The following CSMD1 variants were observed in gnomAD, a reference collection of about 807,000 sequenced individuals.
CSMD1 encodes the protein CUB and sushi domain-containing protein 1.
A neutral mutation model predicts 417.5 loss-of-function variants in CSMD1; 213 were observed. The observed-to-expected ratio is 0.51, with a 90% CI of 0.46 to 0.57. CSMD1 has a LOEUF of 0.57. CSMD1 is among the 20% of genes least tolerant of loss of function. CSMD1 has a pLI of 0.00. For missense variants in CSMD1, 6,923 were observed against 4,529.7 expected (o/e 1.53, Z -15.17); for synonymous variants, 2,862 against 1,736.8 (o/e 1.65, Z -16.11).
At position 3,252,617 on chromosome 8, in the gene CSMD1, A is replaced by C. The variant is rs530079892; in HGVS notation, c.4154-22386T>G. Among the ~76,000 whole-genome samples, 196 of 152,242 alleles carry C rather than the reference A, an allele frequency of 1.3e-3. 1 individual carries two copies. Among genetic ancestry groups the C allele is most frequent in the African/African-American group, 4.5e-3 (187 of 41,544 alleles). On this transcript the variant is annotated intron_variant, in intron 26 of 69. Coordinates refer to ENST00000635120, the MANE Select transcript of CSMD1 (RefSeq NM_033225.6). Reference sequence around the variant, plus strand: ...GGATTCCCTCTTTTTCTATTGATTGAATAGTTTCAGAAGGAATGGTAGCAG... The same window carrying C: ...GGATTCCCTCTTTTTCTATTGATTGCATAGTTTCAGAAGGAATGGTAGCAG...
chr8:4,500,172 G>A (rs922629746), intron 2 of CSMD1, among the ~76,000 whole-genome samples: 4 of 152,248 alleles, frequency 2.6e-5, no homozygotes, highest in Admixed American at 2.6e-4. Context: ...TAAAGAGGCT[G>A]GGAGAATACA....
chr8:4,395,657 A>T (rs1563128978), intron 3 of CSMD1, among the ~76,000 whole-genome samples: 1 of 152,094 alleles, frequency 6.6e-6, no homozygotes, highest in Admixed American at 6.6e-5. Context: ...TTTTGATAAG[A>T]CTCTGTTCCA....
chr8:3,883,524 G>A (rs372174458), intron 5 of CSMD1, among the ~76,000 whole-genome samples: 10 of 152,030 alleles, frequency 6.6e-5, no homozygotes, highest in South Asian at 4.2e-4. Flanking sequence ...TGAATCATGC[G>A]GCTTTATGTA....
intron 11 of CSMD1, among the ~76,000 whole-genome samples, chr8:3,489,508 T>C (rs573382997): frequency 6.6e-6 from 1 of 152,212 alleles, no homozygotes; most frequent in Non-Finnish European, 1.5e-5. Context: ...CCTCCACAAA[T>C]CAAATTCGAG....
chr8:3,968,492 G>A (rs1030969335), intron 5 of CSMD1, among the ~76,000 whole-genome samples: 6 of 152,106 alleles, frequency 3.9e-5, no homozygotes, highest in Middle Eastern at 3.4e-3. Flanking sequence ...ACATCTTCCG[G>A]ATTCAAAATA....
intron 3 of CSMD1, among the ~76,000 whole-genome samples, chr8:4,268,339 CT>C (rs1554513304): frequency 1.3e-5 from 2 of 152,070 alleles, no homozygotes; most frequent in Non-Finnish European, 2.9e-5. Context: ...TAATTAGATT[CT>C]TTTTGACTAA....
At chr8:4,263,101 C>T (rs886099124) in intron 3 of CSMD1, among the ~76,000 whole-genome samples, 4 of 152,032 alleles carry the variant, frequency 2.6e-5, no homozygotes, top group Admixed American at 1.3e-4. Context: ...CATTTAAAAG[C>T]AGTATTATTT....
chr8:2,964,970 T>C (rs763971767), intron 59 of CSMD1, among the ~76,000 whole-genome samples: 1 of 152,220 alleles, frequency 6.6e-6, no homozygotes, highest in Non-Finnish European at 1.5e-5. Flanking sequence ...TTGTTCCTAG[T>C]CTAATAAGGA....
In CSMD1 at chr8:3,367,097, G is replaced by C; in HGVS notation, c.3050C>G (p.Thr1017Ser). 1 of 1,613,868 alleles carries C rather than the reference G, an allele frequency of 6.2e-7. No individual in the cohort carries two copies. The highest frequency in any genetic ancestry group is 8.5e-7 in the Non-Finnish European group (1 of 1,179,852). Residue 1017 changes from threonine (T) to serine (S), a missense_variant, in exon 20 of 70, where the codon ACT becomes AGT. Coordinates refer to ENST00000635120, the MANE Select transcript of CSMD1 (RefSeq NM_033225.6). ...TIKAGLFGNFTAQLRFISDFS... is the reference protein window; with the variant it reads ...TIKAGLFGNFSAQLRFISDFS... Reference sequence around the variant, plus strand: ...GTCTGATATAAACCGAAGCTGGGCAGTGAAGTTTCCAAACAGGCCTGCCTT... The same window carrying C: ...GTCTGATATAAACCGAAGCTGGGCACTGAAGTTTCCAAACAGGCCTGCCTT...
At chr8:4,837,951 T>G (rs1800599828) in intron 1 of CSMD1, among the ~76,000 whole-genome samples, 1 of 152,034 alleles carries the variant, frequency 6.6e-6, no homozygotes, top group Non-Finnish European at 1.5e-5. Flanking sequence ...AATCTAGCAA[T>G]GCTCACTGAG....
intron 5 of CSMD1, among the ~76,000 whole-genome samples, chr8:3,879,103 C>T (rs1806031093): frequency 6.6e-6 from 1 of 152,134 alleles, no homozygotes; most frequent in Non-Finnish European, 1.5e-5. Flanking sequence ...ATGTAGTCAT[C>T]TTCTTGAATC....
chr8:4,620,717 G>T (rs2616976), intron 2 of CSMD1, among the ~76,000 whole-genome samples: 1 of 151,482 alleles, frequency 6.6e-6, no homozygotes, highest in Non-Finnish European at 1.5e-5. Flanking sequence ...TAAATTACTA[G>T]TAAATCACTA....
chr8:3,015,013 G>A (rs551173356), intron 52 of CSMD1, among the ~76,000 whole-genome samples: 7 of 151,486 alleles, frequency 4.6e-5, no homozygotes, highest in East Asian at 1.9e-4. Context: ...TGTGTGTAAC[G>A]AAAATCTCAT....
intron 3 of CSMD1, among the ~76,000 whole-genome samples, chr8:4,115,100 G>A (rs1802063836): frequency 6.6e-6 from 1 of 152,130 alleles, no homozygotes; most frequent in South Asian, 2.1e-4. Context: ...TTGAAACCTA[G>A]AGATAAATCT....
chr8:3,545,050 G>T (rs1025552838), intron 10 of CSMD1, among the ~76,000 whole-genome samples: 2 of 152,018 alleles, frequency 1.3e-5, no homozygotes, highest in African/African-American at 2.4e-5. Context: ...TTCAAATATG[G>T]TATTTCCTGA....
intron 1 of CSMD1, among the ~76,000 whole-genome samples, chr8:4,881,861 G>C (rs1803424190): frequency 6.6e-6 from 1 of 151,934 alleles, no homozygotes; most frequent in East Asian, 1.9e-4. Flanking sequence ...ATTTTGTTTT[G>C]TTATTTTTCA....
chr8:4,386,729 G>A (rs936846803), intron 3 of CSMD1, among the ~76,000 whole-genome samples: 1 of 152,204 alleles, frequency 6.6e-6, no homozygotes, highest in African/African-American at 2.4e-5. Flanking sequence ...ATAGCTGGCA[G>A]AGAAGTGCTA....
intron 26 of CSMD1, among the ~76,000 whole-genome samples, chr8:3,251,382 G>A (rs1330921512): frequency 3.9e-5 from 6 of 152,164 alleles, no homozygotes; most frequent in Non-Finnish European, 8.8e-5. Flanking sequence ...GTAGATATGT[G>A]GCATTATTTC....
In CSMD1 at chr8:3,066,825, T is replaced by C. The variant is rs569461832; in HGVS notation, c.7475-14178A>G. ...CTTATTTAAGCTCATTTCTCCACAATTCCTCTGGCCTCAAAAATGCATGGA... is the reference window on the plus strand; with the variant it reads ...CTTATTTAAGCTCATTTCTCCACAACTCCTCTGGCCTCAAAAATGCATGGA... On this transcript the variant is annotated intron_variant, in intron 49 of 69. Coordinates refer to ENST00000635120, the MANE Select transcript of CSMD1 (RefSeq NM_033225.6). 7.2e-5 allele frequency among the ~76,000 whole-genome samples: 11 copies of C among 152,298 alleles called. No individual in the cohort carries two copies. The South Asian group carries it at 2.3e-3, about 32-fold the overall frequency.
Sources: gnomAD v4.1 joint callset for allele counts (sites outside exome capture counted in the v4.1 genomes callset) on GRCh38, gnomAD v4.1.1 for gene constraint, MANE v1.5 for transcripts, NCBI Gene and HGNC (gene_info 2026-07-23, HGNC 2026-07-21) for gene names.